Variants in BEAN1 observed in about 807,000 individuals in gnomAD.
BEAN1 encodes the protein protein BEAN1.
Under a neutral mutation model 17.7 loss-of-function variants are expected in BEAN1, and 17 were observed. That is an observed-to-expected ratio of 0.96 (90% CI 0.66 to 1.44). BEAN1 has a LOEUF of 1.44. BEAN1 is among the 40% of genes most tolerant of loss of function. The pLI is 0.00. For synonymous variants in BEAN1, 142 were observed against 151.8 expected, an observed-to-expected ratio of 0.94 and a Z score of 0.47; for missense variants, 359 against 374.1, an observed-to-expected ratio of 0.96 and a Z score of 0.33.
chr16:66,477,525 G>C (rs781454258), intron 3 of BEAN1, 35 bp from the exon 4 acceptor site: 108 of 1,499,410 alleles, frequency 7.2e-5, no homozygotes, highest in Non-Finnish European at 8.9e-5. Flanking sequence ...CTGGATCCTG[G>C]TCTGAGGCCC....
At chr16:66,466,669 G>T (rs952172968) in intron 2 of BEAN1, among the ~76,000 whole-genome samples, 10 of 152,166 alleles carry the variant, frequency 6.6e-5, no homozygotes, top group African/African-American at 2.2e-4. Context: ...AGGTTCAAGT[G>T]ATTCTCCTGC....
chr16:66,430,184 T>G (rs1369484798), intron 1 of BEAN1, among the ~76,000 whole-genome samples: 2 of 152,232 alleles, frequency 1.3e-5, no homozygotes, highest in South Asian at 2.1e-4. Context: ...CCTCCCAGAA[T>G]AGTGTGAGGA....
intron 2 of BEAN1, among the ~76,000 whole-genome samples, chr16:66,443,968 A>C (rs1470064459): frequency 6.6e-6 from 1 of 152,082 alleles, no homozygotes; most frequent in Admixed American, 6.5e-5. Context: ...GAGCCACTGC[A>C]CCCAGCCCGC....
At chr16:66,487,651 G>A (rs1466464279), downstream of BEAN1, among the ~76,000 whole-genome samples, 3 of 152,172 alleles carry the variant, frequency 2.0e-5, no homozygotes, top group Non-Finnish European at 4.4e-5. Context: ...TGTGGCCTCT[G>A]AGCAACTAAG....
intron 1 of BEAN1, among the ~76,000 whole-genome samples, chr16:66,432,366 G>C (rs1472254164): frequency 6.6e-6 from 1 of 152,238 alleles, no homozygotes; most frequent in East Asian, 1.9e-4. Context: ...CAGGAGAAAG[G>C]TGTTGCCTGC....
intron 1 of BEAN1, among the ~76,000 whole-genome samples, chr16:66,431,702 T>C (rs890431758): frequency 6.6e-6 from 1 of 152,032 alleles, no homozygotes; most frequent in Non-Finnish European, 1.5e-5. Context: ...AACAGGGTTT[T>C]CCCCCCCTTA....
chr16:66,454,378 C>G (rs1040714206), intron 2 of BEAN1, among the ~76,000 whole-genome samples: 1 of 152,142 alleles, frequency 6.6e-6, no homozygotes, highest in East Asian at 1.9e-4. Flanking sequence ...TTTCAATTCT[C>G]CCAGTTTTTA....
downstream of BEAN1, chr16:66,485,410 G>A (rs1393486781): frequency 6.0e-6 from 2 of 334,408 alleles, no homozygotes; most frequent in Non-Finnish European, 1.2e-5. Context: ...ATGCCCACCT[G>A]CATGTCCAGG....
intron 1 of BEAN1, among the ~76,000 whole-genome samples, chr16:66,436,883 G>A (rs1962045834): frequency 6.6e-6 from 1 of 152,110 alleles, no homozygotes; most frequent in Non-Finnish European, 1.5e-5. Context: ...TTTTCATTCT[G>A]TAGGCCTTTG....
intron 3 of BEAN1, chr16:66,476,299 C>T (rs1484088603): frequency 6.6e-6 from 1 of 151,954 alleles, no homozygotes; most frequent in Non-Finnish European, 1.5e-5. Context: ...TTCTTCCACT[C>T]ACTATTATAT....
chr16:66,444,685 A>G (rs987515984), intron 2 of BEAN1, among the ~76,000 whole-genome samples: 3 of 152,102 alleles, frequency 2.0e-5, no homozygotes, highest in East Asian at 1.9e-4. Flanking sequence ...TGCTCACATC[A>G]TTTGTGTACT....
intron 1 of BEAN1, among the ~76,000 whole-genome samples, chr16:66,430,771 C>T (rs761491694): frequency 2.0e-5 from 3 of 152,166 alleles, no homozygotes; most frequent in Non-Finnish European, 2.9e-5. Context: ...CTATTGTATG[C>T]CCACGTCAAT....
Position 66,474,544 on chromosome 16 carries a change from AAGAGGGAGGGAG to A in BEAN1, c.290-2979_290-2968del, listed in dbSNP as rs1231765447. Among the ~76,000 whole-genome samples the A allele has an allele frequency of 9.1e-3, 731 of 80,150 alleles. 26 individuals carry two copies. The highest frequency in any genetic ancestry group is 0.016 in the East Asian group (33 of 2,068). 52.6% of individuals were successfully genotyped at this position (80,150 alleles called of 152,430 possible). On this transcript the variant is annotated intron_variant, in intron 3 of 4. Transcript: ENST00000536005. ...AGATGGGGGTGGGGGAGGAAGAAGA[AAGAGGGAGGGAG>A]AGAGGGAGGGAGAGAGGGAGGGAGA...
intron 3 of BEAN1, chr16:66,470,208 A>T (rs577835493): frequency 3.0e-5 from 12 of 406,158 alleles, no homozygotes; most frequent in Non-Finnish European, 1.8e-5. Flanking sequence ...GGATGGATGG[A>T]TGGATGGATG....
chr16:66,488,518 C>CAAAAAA (rs35976761), intron 4 of BEAN1, among the ~76,000 whole-genome samples: 2 of 49,246 alleles, frequency 4.1e-5, no homozygotes, highest in East Asian at 1.2e-3. Flanking sequence ...TTATCACTAC[C>CAAAAAA]AAAAAAAAAA....
rs922795374 is a variant in BEAN1 at position 66,473,783 on chromosome 16, G to T, written c.290-3777G>T. On this transcript the variant is annotated intron_variant, in intron 3 of 4. Transcript: ENST00000536005. This position sits in a 1 kb window ranked among gnomAD's most constrained non-coding sequence, Gnocchi z 4.5. Reference sequence around the variant, plus strand: ...AGTGAACCCCAACCTTTGGCACTGGGCCCCTTCCACCTGTCAGACACACTC... The same window carrying T: ...AGTGAACCCCAACCTTTGGCACTGGTCCCCTTCCACCTGTCAGACACACTC... Among the ~76,000 whole-genome samples the T allele has an allele frequency of 6.6e-6, 1 of 152,054 alleles. No homozygotes were observed. Among genetic ancestry groups the T allele is most frequent in the African/African-American group, 2.4e-5 (1 of 41,368 alleles).
rs1963500630 is a variant in BEAN1 at position 66,471,990 on chromosome 16, C to T, written c.289+2125C>T. Among the ~76,000 whole-genome samples, 2 of 152,252 alleles carry T rather than the reference C, an allele frequency of 1.3e-5. No individual in the cohort carries two copies. Among genetic ancestry groups the T allele is most frequent in the Non-Finnish European group, 2.9e-5 (2 of 68,048 alleles). On this transcript the variant is annotated intron_variant, in intron 3 of 4. Coordinates refer to ENST00000536005, the MANE Select transcript of BEAN1 (RefSeq NM_001178020.3). The surrounding 1 kb of genome is among the most constrained non-coding windows in gnomAD (Gnocchi z 4.7). ...GTCTGCCGCCTGCCCCTCGCACAGC[C>T]TGGCCCTTGCCCAGCTCCTCCCACT...
intron 3 of BEAN1, among the ~76,000 whole-genome samples, chr16:66,474,599 AGGGAGAGAGGGAGGG>A (rs1963637649): frequency 8.1e-5 from 1 of 12,330 alleles, no homozygotes; most frequent in African/African-American, 3.7e-4. Flanking sequence ...GGAGGGAGGG[AGGGAGAGAGGGAGGG>A]AGGAAGGGAG....
intron 1 of BEAN1, among the ~76,000 whole-genome samples, chr16:66,430,382 C>T (rs1264837959): frequency 6.6e-6 from 1 of 152,158 alleles, no homozygotes; most frequent in Non-Finnish European, 1.5e-5. Context: ...TTGATGAGAA[C>T]ACTGAGGCTT....
Sources: gnomAD v4.1 joint callset for allele counts (sites outside exome capture counted in the v4.1 genomes callset) on GRCh38, gnomAD v4.1.1 for gene constraint, Gnocchi (gnomAD v3.1) non-coding constraint, MANE v1.5 for transcripts, NCBI Gene and HGNC (gene_info 2026-07-23, HGNC 2026-07-21) for gene names.